PRIMA1: variants seen among roughly 807,000 people sequenced by gnomAD.
The protein encoded by PRIMA1 is proline-rich membrane anchor 1.
PRIMA1 carries 7 observed loss-of-function variants against 17.5 expected under a neutral mutation model. The ratio of observed to expected loss-of-function variants is 0.40; its 90% confidence interval spans 0.23 to 0.75. The LOEUF (loss-of-function observed/expected upper bound fraction) is 0.75, where lower values mean the gene tolerates loss of function less well. Among genes scored for constraint, PRIMA1 ranks in the 30% least tolerant of loss-of-function variants. PRIMA1 has a pLI of 0.37. For missense variants in PRIMA1, 200 were observed against 201.8 expected, an observed-to-expected ratio of 0.99 and a Z score of 0.05; for synonymous variants, 97 against 77.9, an observed-to-expected ratio of 1.25 and a Z score of -1.29.
chr14:93,769,219 C>T (rs10148027), intron 3 of PRIMA1, among the ~76,000 whole-genome samples: 136,881 of 151,890 alleles, frequency 0.9, 62,355 homozygotes, highest in Non-Finnish European at 0.96. Context: ...AAGGGTTATA[C>T]AGTGACGAGA....
At chr14:93,737,094 A>T in intron 4 of PRIMA1, 147 bp downstream of exon 4, 1 of 664,508 alleles carries the variant, frequency 1.5e-6, no homozygotes, top group South Asian at 2.4e-5. Context: ...GTGAGGGTAG[A>T]TGGAAGGTCA....
chr14:93,769,555 C>T lies in PRIMA1; in HGVS notation c.229+9621G>A, dbSNP rs189916984. On this transcript the variant is annotated intron_variant, in intron 3 of 4. Transcript: ENST00000393140. The stretch of plus-strand genomic sequence containing the variant: ...CCCGTGTTTGATGCCCACAGTCCCT[C>T]GTCACAGGCTCACACTGCGTCCAGC... 3.1e-3 allele frequency among the ~76,000 whole-genome samples: 471 copies of T among 152,344 alleles called. 1 individual carries two copies. The highest frequency in any genetic ancestry group is 3.1e-3 in the Non-Finnish European group (210 of 68,030).
chr14:93,724,115 C>G (rs934660891), intron 4 of PRIMA1, among the ~76,000 whole-genome samples: 1 of 152,138 alleles, frequency 6.6e-6, no homozygotes, highest in Non-Finnish European at 1.5e-5. Context: ...GAACTCCTGG[C>G]CTCAAGTGAT....
chr14:93,722,807 G>A (rs530040039), intron 4 of PRIMA1, among the ~76,000 whole-genome samples: 33 of 946 alleles, frequency 0.035, 1 homozygote, highest in East Asian at 0.073. Context: ...ATGGGGTGGC[G>A]ATGATAGTGA....
chr14:93,774,941 A>G (rs1885170820), intron 3 of PRIMA1, among the ~76,000 whole-genome samples: 1 of 152,200 alleles, frequency 6.6e-6, no homozygotes, highest in African/African-American at 2.4e-5. Context: ...TAAAATCACG[A>G]AGAGGAAAGA....
intron 3 of PRIMA1, among the ~76,000 whole-genome samples, chr14:93,773,161 A>G (rs1255527287): frequency 6.6e-6 from 1 of 152,236 alleles, no homozygotes; most frequent in Non-Finnish European, 1.5e-5. Context: ...CCACTGCGCT[A>G]CATAATACCA....
chr14:93,766,442 T>A (rs1884894595), intron 3 of PRIMA1, among the ~76,000 whole-genome samples: 1 of 152,128 alleles, frequency 6.6e-6, no homozygotes, highest in African/African-American at 2.4e-5. Flanking sequence ...GCCTCTAGCC[T>A]CCAAGAGCCA....
intron 3 of PRIMA1, among the ~76,000 whole-genome samples, chr14:93,763,289 G>A (rs943448378): frequency 2.0e-5 from 3 of 152,086 alleles, no homozygotes; most frequent in African/African-American, 7.2e-5. Flanking sequence ...CTAAACCCCC[G>A]ATCAGTGCAC....
rs571197226 is a variant in PRIMA1, at chr14:93,765,387, A to AG, written c.229+13788dup. ...AGTTCCTGTCCTCAGGGATCGGATC[A>AG]GACACTTAATAGGTTAGACTGGTTG... is the stretch of plus-strand genomic sequence containing the variant. On this transcript the variant is annotated intron_variant, in intron 3 of 4. Coordinates refer to ENST00000393140, the MANE Select transcript of PRIMA1 (RefSeq NM_178013.4). Among the ~76,000 whole-genome samples, 34 of 150,860 alleles carry AG rather than the reference A, an allele frequency of 2.3e-4. 1 individual carries two copies. The South Asian group carries it at 6.9e-3, about 30-fold the overall frequency.
At chr14:93,737,204 T>A (rs757311319) in intron 4 of PRIMA1, 37 bp downstream of exon 4, 7 of 1,609,092 alleles carry the variant, frequency 4.4e-6, no homozygotes, top group Non-Finnish European at 5.9e-6. Flanking sequence ...TGGGGTTCCC[T>A]TCGGCTTGAA....
intron 4 of PRIMA1, among the ~76,000 whole-genome samples, chr14:93,736,184 C>A (rs558000691): frequency 1.3e-5 from 2 of 152,196 alleles, no homozygotes; most frequent in East Asian, 3.9e-4. Flanking sequence ...ACACTGGAGT[C>A]GAACTCGTCA....
At chr14:93,747,744 AGT>A (rs369779862) in intron 3 of PRIMA1, among the ~76,000 whole-genome samples, 19 of 145,962 alleles carry the variant, frequency 1.3e-4, no homozygotes, top group African/African-American at 4.6e-4. Context: ...GCGAGTGGGA[AGT>A]GTGTGGAGTG....
rs977965606 is a variant in PRIMA1, at chr14:93,721,267, C to G, written c.*177G>C. The G allele has an allele frequency of 1.2e-5, 7 of 576,756 alleles. No homozygotes were observed. The highest frequency in any genetic ancestry group is 3.2e-5 in the Admixed American group (1 of 31,064). 35.7% of individuals were successfully genotyped at this position (576,756 alleles called of 1,614,324 possible). ...GCCTGGTGTCCGAGCTGCCTGGGCC[C>G]GCAGGCTGACCAGGGGCAAGCCTGG... is the stretch of plus-strand genomic sequence containing the variant. On this transcript the variant is annotated 3_prime_UTR_variant, in exon 5 of 5. Transcript: ENST00000393140.
chr14:93,771,140 A>ATGTG (rs60962010), intron 3 of PRIMA1, among the ~76,000 whole-genome samples: 19 of 151,510 alleles, frequency 1.3e-4, no homozygotes, highest in Non-Finnish European at 2.4e-4. Context: ...ATGTGCACGT[A>ATGTG]TGTGTGTGTG....
intron 3 of PRIMA1, among the ~76,000 whole-genome samples, chr14:93,746,743 G>A (rs558441498): frequency 1.3e-5 from 2 of 152,288 alleles, no homozygotes; most frequent in South Asian, 4.1e-4. Context: ...CTCAGACTCA[G>A]GGTTCTCCGC....
intron 3 of PRIMA1, among the ~76,000 whole-genome samples, chr14:93,763,129 T>A (rs1479135584): frequency 6.6e-6 from 1 of 152,184 alleles, no homozygotes; most frequent in Non-Finnish European, 1.5e-5. Flanking sequence ...TGCCAGCATA[T>A]GAACTCAGGA....
rs2076248866 is a variant in PRIMA1 at position 93,749,780 on chromosome 14, C to T, written c.230-12410G>A. Among the ~76,000 whole-genome samples, 6 of 152,196 alleles carry T rather than the reference C, an allele frequency of 3.9e-5. No homozygotes were observed. The South Asian group carries it at 1.0e-3, about 26-fold the overall frequency. On this transcript the variant is annotated intron_variant, in intron 3 of 4. Transcript: ENST00000393140. ...TGATGAGGCTGGGTGCAGTGGCTCA[C>T]ACCTGTAATCCCAGCACTTTGGGAG...
chr14:93,722,524 T>C (rs1169660904), intron 4 of PRIMA1, among the ~76,000 whole-genome samples: 1 of 150,846 alleles, frequency 6.6e-6, no homozygotes, highest in Non-Finnish European at 1.5e-5. Context: ...CGGTTGACAA[T>C]GGTGGTGATG....
chr14:93,761,568 G>A (rs879736537), intron 3 of PRIMA1, among the ~76,000 whole-genome samples: 6 of 152,176 alleles, frequency 3.9e-5, no homozygotes, highest in Non-Finnish European at 7.4e-5. Flanking sequence ...GCTATTCCTC[G>A]TCTTCAAGGG....
Sources: allele counts gnomAD v4.1 joint callset (sites outside exome capture counted in the v4.1 genomes callset), GRCh38; gene constraint gnomAD v4.1.1; transcripts MANE v1.5; gene names NCBI Gene and HGNC (gene_info 2026-07-23, HGNC 2026-07-21).